The following GRIA3 variants were observed in gnomAD, a reference collection of about 807,000 sequenced individuals.
GRIA3 encodes glutamate ionotropic receptor AMPA type subunit 3, also known as glutamate receptor 3.
GRIA3 carries 3 observed loss-of-function variants against 63.0 expected under a neutral mutation model. The ratio of observed to expected loss-of-function variants is 0.05; its 90% CI spans 0.02 to 0.12. The LOEUF (loss-of-function observed/expected upper bound fraction) is 0.12. GRIA3 is among the 10% of genes least tolerant of loss of function. The pLI is 1.00. For missense variants in GRIA3, 347 were observed against 700.9 expected (o/e 0.50, Z 5.70); for synonymous variants, 274 against 257.9 (o/e 1.06, Z -0.60).
At position 123,354,831 on chromosome X, in the gene GRIA3, G is replaced by C. The variant is rs3761553; in HGVS notation, c.697-79G>C. 3,994 of 702,970 alleles carry C rather than the reference G, an allele frequency of 5.7e-3. 98 individuals carry two copies. The East Asian group carries it at 0.061, about 11-fold the overall frequency. The allele number at this position is 702,970 out of a possible 1,213,427, so 57.9% of individuals were successfully genotyped here. On this transcript the variant is annotated intron_variant, in intron 4 of 15. Coordinates refer to ENST00000620443, the MANE Select transcript of GRIA3 (RefSeq NM_007325.5). ...CTGTATATAAAAGCTCTAACATTTT[G>C]TTCTAGCCACCCCACTGATTGTGCA...
intron 2 of GRIA3, among the ~76,000 whole-genome samples, chrX:123,226,291 C>T (rs1199634620): frequency 9.0e-6 from 1 of 111,632 alleles, no homozygotes; most frequent in Non-Finnish European, 1.9e-5. Flanking sequence ...ACTCCACTAC[C>T]CACATAAAAC....
intron 2 of GRIA3, among the ~76,000 whole-genome samples, chrX:123,240,181 C>A (rs1244506453): frequency 8.9e-6 from 1 of 111,832 alleles, no homozygotes; most frequent in Non-Finnish European, 1.9e-5. Flanking sequence ...TGAATGTACA[C>A]CCTATGCTTG....
intron 3 of GRIA3, among the ~76,000 whole-genome samples, chrX:123,320,256 A>G (rs1454289574): frequency 8.9e-6 from 1 of 111,979 alleles, no homozygotes; most frequent in African/African-American, 3.2e-5. Flanking sequence ...CATCAAGCAC[A>G]TCACCAACTT....
At chrX:123,296,663 C>T (rs2044688321) in intron 3 of GRIA3, among the ~76,000 whole-genome samples, 1 of 111,611 alleles carries the variant, frequency 9.0e-6, no homozygotes, top group Non-Finnish European at 1.9e-5. Flanking sequence ...TTCTTGCACA[C>T]AAATAAATAA....
At chrX:123,217,599 C>A (rs1007408188) in intron 2 of GRIA3, among the ~76,000 whole-genome samples, 3 of 112,106 alleles carry the variant, frequency 2.7e-5, no homozygotes, top group Non-Finnish European at 5.6e-5. Context: ...TCTGCCTTGT[C>A]ATTTTATCAT....
chrX:123,375,313 T>C lies in GRIA3; in HGVS notation c.751-19655T>C, dbSNP rs776098796. ...ACTTGGTCTTGATGAATGACATTGTTAACATATTGTTGAATTCAGTTTGCT... is the reference window on the plus strand; with the variant it reads ...ACTTGGTCTTGATGAATGACATTGTCAACATATTGTTGAATTCAGTTTGCT... On this transcript the variant is annotated intron_variant, in intron 5 of 15. Transcript: ENST00000620443. Among the ~76,000 whole-genome samples the C allele has an allele frequency of 1.1e-3, 127 of 112,482 alleles. 1 individual carries two copies. Among genetic ancestry groups the C allele is most frequent in the Middle Eastern group, 4.6e-3 (1 of 219 alleles).
intron 3 of GRIA3, among the ~76,000 whole-genome samples, chrX:123,306,860 T>C (rs2044758018): frequency 9.0e-6 from 1 of 111,618 alleles, no homozygotes; most frequent in Admixed American, 9.5e-5. Flanking sequence ...TCACACACCA[T>C]TTTCTGAAAA....
chrX:123,189,277 A>C (rs1432663618), intron 2 of GRIA3, among the ~76,000 whole-genome samples: 1 of 112,364 alleles, frequency 8.9e-6, no homozygotes, highest in Non-Finnish European at 1.9e-5. Context: ...ACATTCATAG[A>C]CACACAATCA....
At chrX:123,478,030 T>C (rs2045894784) in intron 13 of GRIA3, among the ~76,000 whole-genome samples, 1 of 111,907 alleles carries the variant, frequency 8.9e-6, no homozygotes, top group Admixed American at 9.5e-5. Context: ...GTCACTCATA[T>C]GCCATTGGAA....
intron 4 of GRIA3, among the ~76,000 whole-genome samples, chrX:123,347,444 C>T (rs1002123823): frequency 1.3e-4 from 15 of 111,999 alleles, no homozygotes; most frequent in African/African-American, 4.2e-4. Context: ...TACTTTTATT[C>T]GAAAATATAA....
chrX:123,287,333 C>T (rs1167713700), intron 3 of GRIA3, among the ~76,000 whole-genome samples: 1 of 111,934 alleles, frequency 8.9e-6, no homozygotes, highest in East Asian at 2.8e-4. Flanking sequence ...AAGCTGGAAG[C>T]ATTCCCTTTG....
At chrX:123,466,289 T>A (rs1201417939) in intron 13 of GRIA3, among the ~76,000 whole-genome samples, 1 of 111,996 alleles carries the variant, frequency 8.9e-6, no homozygotes, top group Non-Finnish European at 1.9e-5. Context: ...TCTCTATATG[T>A]GATAGCCCAT....
At chrX:123,205,908 C>T (rs1046143706) in intron 2 of GRIA3, among the ~76,000 whole-genome samples, 2 of 111,636 alleles carry the variant, frequency 1.8e-5, no homozygotes, top group African/African-American at 3.3e-5. Context: ...AAATTCTCTA[C>T]ACACTACCCT....
intron 12 of GRIA3, among the ~76,000 whole-genome samples, chrX:123,448,418 T>C (rs2045714000): frequency 9.0e-6 from 1 of 111,143 alleles, no homozygotes; most frequent in Non-Finnish European, 1.9e-5. Context: ...CTCCAAATGG[T>C]GCAGGCAGGA....
intron 3 of GRIA3, among the ~76,000 whole-genome samples, chrX:123,312,706 G>A (rs2044803167): frequency 3.6e-5 from 4 of 112,365 alleles, no homozygotes; most frequent in African/African-American, 1.3e-4. Context: ...AGTCACAGAT[G>A]TGTTGTAGGC....
At chrX:123,362,894 G>C (rs1395946527) in intron 5 of GRIA3, among the ~76,000 whole-genome samples, 1 of 112,711 alleles carries the variant, frequency 8.9e-6, no homozygotes, top group Non-Finnish European at 1.9e-5. Context: ...GCACTTAATA[G>C]GTTTCTAAGT....
intron 3 of GRIA3, among the ~76,000 whole-genome samples, chrX:123,308,268 G>A (rs1224733851): frequency 8.9e-6 from 1 of 112,006 alleles, no homozygotes; most frequent in Non-Finnish European, 1.9e-5. Flanking sequence ...CACCTGAGAA[G>A]CTTGTTAAAA....
chrX:123,462,496 A>C (rs1052818906), intron 12 of GRIA3, among the ~76,000 whole-genome samples: 1 of 111,911 alleles, frequency 8.9e-6, no homozygotes, highest in African/African-American at 3.3e-5. Context: ...TGACTCTGTG[A>C]GGGCTTCCAT....
chrX:123,321,691 G>A (rs185084899), intron 3 of GRIA3, among the ~76,000 whole-genome samples: 6 of 111,922 alleles, frequency 5.4e-5, no homozygotes, highest in African/African-American at 2.0e-4. Flanking sequence ...AGAACTTTTT[G>A]TATCTGATGC....
Sources: allele counts gnomAD v4.1 joint callset (sites outside exome capture counted in the v4.1 genomes callset), GRCh38; gene constraint gnomAD v4.1.1; transcripts MANE v1.5; gene names NCBI Gene and HGNC (gene_info 2026-07-23, HGNC 2026-07-21).